PLEKHS1: variants seen among roughly 807,000 people sequenced by gnomAD.
PLEKHS1 encodes the protein pleckstrin homology domain containing S1, also known as pleckstrin homology domain-containing family S member 1.
A neutral mutation model predicts 51.0 loss-of-function variants in PLEKHS1; 55 were observed. That is an observed-to-expected ratio of 1.08 (90% CI 0.87 to 1.35). The LOEUF is 1.35. Among genes scored for constraint, PLEKHS1 ranks in the 40% most tolerant of loss-of-function variants. The pLI is 0.00. For synonymous variants in PLEKHS1, 153 were observed against 144.8 expected (o/e 1.06, Z -0.41); for missense variants, 398 against 423.0 (o/e 0.94, Z 0.52).
intron 11 of PLEKHS1, chr10:113,777,883 G>A (rs1443261923): frequency 1.9e-5 from 16 of 863,568 alleles, no homozygotes; most frequent in African/African-American, 5.1e-5. Context: ...CCAGCACTTC[G>A]GAAGGCCAAG....
intron 4 of PLEKHS1, among the ~76,000 whole-genome samples, chr10:113,766,934 CTT>C (rs1167588219): frequency 1.3e-5 from 2 of 152,080 alleles, no homozygotes; most frequent in African/African-American, 4.8e-5. Flanking sequence ...CTTGATAAGT[CTT>C]TAATTAACAG....
chr10:113,765,372 T>A (rs765400567), intron 2 of PLEKHS1: 4 of 779,482 alleles, frequency 5.1e-6, no homozygotes, highest in Non-Finnish European at 9.6e-6. Context: ...AATTATAAGT[T>A]TTTCCAGTAT....
intron 11 of PLEKHS1, among the ~76,000 whole-genome samples, 154 bp from the exon 12 acceptor site, chr10:113,776,970 A>G (rs1844696917): frequency 6.6e-6 from 1 of 152,174 alleles, no homozygotes; most frequent in African/African-American, 2.4e-5. Flanking sequence ...TTAGGCTCCT[A>G]TTGTAGTGAC....
intron 5 of PLEKHS1, among the ~76,000 whole-genome samples, chr10:113,768,039 C>T (rs1844240594): frequency 6.6e-6 from 1 of 152,170 alleles, no homozygotes; most frequent in Non-Finnish European, 1.5e-5. Flanking sequence ...GGATACGGAA[C>T]TGAAACATAC....
intron 10 of PLEKHS1, 131 bp downstream of exon 10, chr10:113,775,166 C>T: frequency 1.3e-6 from 1 of 780,264 alleles, no homozygotes. Context: ...AAAACTTGAC[C>T]ATCTTCTCCC....
exon 12 of PLEKHS1, chr10:113,782,209 C>G (rs11196485): frequency 6.6e-6 from 1 of 151,948 alleles, no homozygotes; most frequent in Admixed American, 6.6e-5. Flanking sequence ...AGCCCCGGAG[C>G]GATGAAAGGC....
chr10:113,783,356 GA>G (rs1272185859), downstream of PLEKHS1: 1 of 152,276 alleles, frequency 6.6e-6, no homozygotes, highest in East Asian at 1.9e-4. Context: ...CATTAAGAAT[GA>G]AAGAATCAAG....
intron 11 of PLEKHS1, among the ~76,000 whole-genome samples, chr10:113,778,825 A>G (rs1242539684): frequency 2.0e-5 from 3 of 151,954 alleles, no homozygotes; most frequent in Non-Finnish European, 4.4e-5. Context: ...TTGTATTTTT[A>G]GTAGAAACAG....
At chr10:113,764,261 C>A (rs377685343) in intron 2 of PLEKHS1, among the ~76,000 whole-genome samples, 12 of 152,096 alleles carry the variant, frequency 7.9e-5, no homozygotes, top group African/African-American at 2.9e-4. Flanking sequence ...CCACCATGCC[C>A]GGCTAATTTT....
intron 8 of PLEKHS1, 33 bp from the exon 9 acceptor site, chr10:113,774,194 T>C: frequency 7.4e-7 from 1 of 1,347,918 alleles, no homozygotes; most frequent in African/African-American, 1.5e-5. Context: ...ATCGGTAAAC[T>C]GGGATTCTTA....
At chr10:113,763,862 C>T (rs867391326) in intron 2 of PLEKHS1, among the ~76,000 whole-genome samples, 3 of 151,668 alleles carry the variant, frequency 2.0e-5, no homozygotes, top group African/African-American at 7.3e-5. Context: ...ATACATTTAC[C>T]CCAGTAGTTA....
At chr10:113,777,836 T>C (rs552866422) in intron 11 of PLEKHS1, 1 of 1,345,820 alleles carries the variant, frequency 7.4e-7, no homozygotes, top group East Asian at 2.7e-5. Context: ...TTAAACATAA[T>C]ATGTGGTGCT....
chr10:113,757,549 G>A (rs1482885602), intron 2 of PLEKHS1, among the ~76,000 whole-genome samples: 2 of 152,194 alleles, frequency 1.3e-5, no homozygotes, highest in Non-Finnish European at 2.9e-5. Context: ...AGCCTTCAGT[G>A]AGTCACAATC....
intron 1 of PLEKHS1, among the ~76,000 whole-genome samples, chr10:113,754,701 G>A (rs1443167689): frequency 1.3e-5 from 2 of 152,044 alleles, no homozygotes; most frequent in Non-Finnish European, 2.9e-5. Context: ...GGTCAGGCTG[G>A]TCTCGAACTC....
At position 113,775,682 on chromosome 10, in the gene PLEKHS1, G is replaced by C. The variant is rs538205094; in HGVS notation, c.990-83G>C. 4.6e-4 allele frequency: 363 copies of C among 789,228 alleles called. 2 individuals are homozygous for C. The African/African-American group carries it at 5.0e-3, about 11-fold the overall frequency. 48.9% of individuals were successfully genotyped at this position (789,228 alleles called of 1,614,324 possible). A position where few individuals can be genotyped will look rare whatever the true frequency, so the allele number is the denominator to read the frequency against. On this transcript the variant is annotated intron_variant, in intron 10 of 11. Coordinates refer to ENST00000361048, the Ensembl canonical transcript of PLEKHS1. ...CCTGGACAATGTCATCTCAGAAATA[G>C]AGGCCAAAAGTCTACTCAGAAAGTA...
intron 2 of PLEKHS1, chr10:113,765,449 G>C: frequency 1.3e-6 from 1 of 775,968 alleles, no homozygotes; most frequent in Non-Finnish European, 2.4e-6. Flanking sequence ...TCTGGCCTCA[G>C]GTAGTTTCAG....
chr10:113,777,766 TCA>T (rs1382372226), intron 11 of PLEKHS1: 96 of 1,451,774 alleles, frequency 6.6e-5, no homozygotes, highest in Non-Finnish European at 8.5e-5. Context: ...TTTTAAAGCC[TCA>T]GTTTCATTAT....
chr10:113,775,975 G>A (rs145922422), intron 11 of PLEKHS1, 109 bp downstream of exon 11: 48 of 747,218 alleles, frequency 6.4e-5, no homozygotes, highest in East Asian at 1.1e-4. Flanking sequence ...GGTTTGGGGC[G>A]GGGGAGCTTG....
At chr10:113,774,142 G>A (rs1844542170) in intron 8 of PLEKHS1, 85 bp from the exon 9 acceptor site, 1 of 781,172 alleles carries the variant, frequency 1.3e-6, no homozygotes, top group Non-Finnish European at 2.1e-6. Flanking sequence ...CTATGTCAGA[G>A]CCCAGAGCTG....
Sources: allele counts gnomAD v4.1 joint callset (sites outside exome capture counted in the v4.1 genomes callset), GRCh38; gene constraint gnomAD v4.1.1; transcripts MANE v1.5; gene names NCBI Gene and HGNC (gene_info 2026-07-23, HGNC 2026-07-21).